The following MUSK variants were observed in gnomAD, a reference collection of about 807,000 sequenced individuals.
MUSK encodes muscle associated receptor tyrosine kinase.
A neutral mutation model predicts 88.7 loss-of-function variants in MUSK; 55 were observed. That is an observed-to-expected ratio of 0.62 (90% CI 0.50 to 0.78). The LOEUF is 0.78. Among genes scored for constraint, MUSK ranks in the 30% least tolerant of loss-of-function variants. MUSK has a pLI of 0.00. For missense variants in MUSK, 1,015 were observed against 1,074.3 expected (o/e 0.94, Z 0.77); for synonymous variants, 387 against 391.9 (o/e 0.99, Z 0.15).
intron 1 of MUSK, among the ~76,000 whole-genome samples, chr9:110,678,791 T>C (rs949742592): frequency 6.6e-6 from 1 of 152,144 alleles, no homozygotes; most frequent in African/African-American, 2.4e-5. Flanking sequence ...GGCTTACAGT[T>C]GATGTGCATA....
intron 5 of MUSK, chr9:110,727,396 AG>A (rs1352827721): frequency 1.3e-5 from 2 of 152,076 alleles, no homozygotes; most frequent in African/African-American, 4.8e-5. Flanking sequence ...GAGGAAGTGA[AG>A]GGTTTCACTA....
rs535785941 is a variant in MUSK at position 110,695,471 on chromosome 9, A to G, written c.427A>G (p.Thr143Ala). 1.3e-6 allele frequency: 2 copies of G among 1,559,186 alleles called. No homozygotes were observed. The highest frequency in any genetic ancestry group is 1.7e-6 in the Non-Finnish European group (2 of 1,146,332). ...GGGATTAAAAGCAGTCCTACCATGT[A>G]CTACAATGGGTAATCCCAAACCATC... is the stretch of plus-strand genomic sequence containing the variant. ...IEGLKAVLPC[T>A]TMGNPKPSVS... Residue 143 changes from threonine (T) to alanine (A), a missense_variant, in exon 4 of 15, where the codon ACT (threonine) becomes GCT (alanine). Transcript: ENST00000374448.
intron 8 of MUSK, among the ~76,000 whole-genome samples, chr9:110,762,814 A>G (rs764645234): frequency 2.6e-5 from 4 of 152,232 alleles, no homozygotes; most frequent in Non-Finnish European, 5.9e-5. Flanking sequence ...TTAAGACAGC[A>G]TTCTTAGCAC....
chr9:110,727,582 A>G (rs896400130), intron 5 of MUSK: 2 of 203,368 alleles, frequency 9.8e-6, no homozygotes, highest in Admixed American at 4.5e-5. Flanking sequence ...AACCTTGTCA[A>G]CCTTGGCTAA....
chr9:110,680,264 A>G (rs1242024387), intron 1 of MUSK, among the ~76,000 whole-genome samples: 2 of 152,174 alleles, frequency 1.3e-5, no homozygotes, highest in Non-Finnish European at 1.5e-5. Flanking sequence ...GTTACCCAAA[A>G]TTGGCATTCC....
In MUSK at chr9:110,802,550, G is replaced by A. The variant is rs527312475; in HGVS notation, c.*1562G>A. On this transcript the variant is annotated 3_prime_UTR_variant, in exon 15 of 15. Transcript: ENST00000374448. ...CATGTAACAGCTTGACATCTTTGGTGGGAAACCTGCCATTTCTTATTCATA... is the reference window on the plus strand; with the variant it reads ...CATGTAACAGCTTGACATCTTTGGTAGGAAACCTGCCATTTCTTATTCATA... Among the ~76,000 whole-genome samples, 2 of 152,142 alleles carry A rather than the reference G, an allele frequency of 1.3e-5. No homozygotes were observed. Among genetic ancestry groups the A allele is most frequent in the Non-Finnish European group, 2.9e-5 (2 of 68,026 alleles).
At chr9:110,724,800 C>T (rs145711987) in intron 5 of MUSK, among the ~76,000 whole-genome samples, 405 of 152,012 alleles carry the variant, frequency 2.7e-3, no homozygotes, top group African/African-American at 9.4e-3. Flanking sequence ...AATATCATAA[C>T]ACCAACTTGA....
chr9:110,671,934 G>A (rs148352771), intron 1 of MUSK, among the ~76,000 whole-genome samples: 194 of 152,240 alleles, frequency 1.3e-3, no homozygotes, highest in African/African-American at 4.5e-3. Context: ...GTGTTTGAGC[G>A]TACGTGATTT....
chr9:110,777,417 T>C (rs2077687729), intron 11 of MUSK, among the ~76,000 whole-genome samples: 2 of 152,138 alleles, frequency 1.3e-5, no homozygotes, highest in African/African-American at 4.8e-5. Context: ...ACCAGCTTGC[T>C]TAAAGGACCA....
chr9:110,781,358 G>A (rs1395572880), intron 11 of MUSK, among the ~76,000 whole-genome samples: 1 of 152,102 alleles, frequency 6.6e-6, no homozygotes, highest in Non-Finnish European at 1.5e-5. Flanking sequence ...TTCACTGCAA[G>A]CTCCGCCTCC....
intron 2 of MUSK, among the ~76,000 whole-genome samples, chr9:110,685,237 A>G (rs916877144): frequency 2.0e-5 from 3 of 152,122 alleles, no homozygotes; most frequent in Admixed American, 2.0e-4. Flanking sequence ...CTTACCCTTC[A>G]TCTGTTGATA....
chr9:110,724,341 T>G (rs2076856061), intron 5 of MUSK, among the ~76,000 whole-genome samples: 1 of 152,024 alleles, frequency 6.6e-6, no homozygotes, highest in South Asian at 2.1e-4. Flanking sequence ...CTGTAAATCT[T>G]ATCATCATCT....
chr9:110,713,914 T>C (rs897064451), intron 5 of MUSK, among the ~76,000 whole-genome samples: 3 of 152,178 alleles, frequency 2.0e-5, no homozygotes, highest in African/African-American at 7.2e-5. Flanking sequence ...ACCATGGTTA[T>C]ACAGGATGCT....
At chr9:110,790,555 T>C (rs2077955995) in intron 14 of MUSK, among the ~76,000 whole-genome samples, 1 of 152,158 alleles carries the variant, frequency 6.6e-6, no homozygotes, top group Non-Finnish European at 1.5e-5. Context: ...TTGGCCTTTG[T>C]AAAGAGAATG....
chr9:110,671,660 G>A (rs955631365), intron 1 of MUSK, among the ~76,000 whole-genome samples: 5 of 152,160 alleles, frequency 3.3e-5, no homozygotes, highest in Non-Finnish European at 7.4e-5. Flanking sequence ...TATTTTCAAT[G>A]ATGAATTCAG....
rs1206866616 is a variant in MUSK, at chr9:110,726,205, A to G, written c.629-8046A>G. On this transcript the variant is annotated intron_variant, in intron 5 of 14. Transcript: ENST00000374448. ...TATAACTGAAACTATAATTTCTGGT[A>G]GAACTTCTAAGCTTCCTCCCAGGAA... Among the ~76,000 whole-genome samples, 3 of 152,058 alleles carry G rather than the reference A, an allele frequency of 2.0e-5. 1 individual carries two copies. Among genetic ancestry groups the G allele is most frequent in the Non-Finnish European group, 2.9e-5 (2 of 67,970 alleles).
chr9:110,762,132 A>C, intron 7 of MUSK, 70 bp from the exon 8 acceptor site: 1 of 1,248,524 alleles, frequency 8.0e-7, no homozygotes, highest in Non-Finnish European at 1.0e-6. Flanking sequence ...CATAAGATGA[A>C]AATGTACTAA....
At chr9:110,706,827 A>C (rs2076605485) in intron 5 of MUSK, among the ~76,000 whole-genome samples, 2 of 151,996 alleles carry the variant, frequency 1.3e-5, no homozygotes, top group African/African-American at 4.8e-5. Flanking sequence ...AACATGGTGA[A>C]GCCACGTCTC....
intron 11 of MUSK, among the ~76,000 whole-genome samples, chr9:110,781,099 A>G (rs1317027285): frequency 6.6e-6 from 1 of 152,138 alleles, no homozygotes; most frequent in Non-Finnish European, 1.5e-5. Flanking sequence ...CCCAACTCCA[A>G]CAATGAAACT....
Sources: gnomAD v4.1 joint callset for allele counts (sites outside exome capture counted in the v4.1 genomes callset) on GRCh38, gnomAD v4.1.1 for gene constraint, MANE v1.5 for transcripts, NCBI Gene and HGNC (gene_info 2026-07-23, HGNC 2026-07-21) for gene names.